The following KCNQ5 variants were observed in gnomAD, a reference collection of about 807,000 sequenced individuals.
The protein encoded by KCNQ5 is potassium voltage-gated channel subfamily KQT member 5.
KCNQ5 carries 30 observed loss-of-function variants against 98.2 expected under a neutral mutation model. That is an observed-to-expected ratio of 0.31 (90% CI 0.23 to 0.41). The LOEUF is 0.41. Ranked by LOEUF, KCNQ5 falls within the 10% of genes least tolerant of loss-of-function variation. The pLI is 1.00. For synonymous variants in KCNQ5, 458 were observed against 449.4 expected (o/e 1.02, Z -0.24); for missense variants, 835 against 1,182.5 (o/e 0.71, Z 4.31).
chr6:72,796,788 A>G (rs1449947155), intron 1 of KCNQ5, among the ~76,000 whole-genome samples: 1 of 152,224 alleles, frequency 6.6e-6, no homozygotes, highest in African/African-American at 2.4e-5. Context: ...TTAAGACAGT[A>G]ATATTAAATT....
At chr6:72,759,568 G>A (rs953038214) in intron 1 of KCNQ5, among the ~76,000 whole-genome samples, 5 of 152,080 alleles carry the variant, frequency 3.3e-5, no homozygotes, top group African/African-American at 9.7e-5. Flanking sequence ...ATGGAGGACT[G>A]TTTCCTTGTG....
chr6:73,186,237 AAG>A (rs1778567214), intron 11 of KCNQ5, among the ~76,000 whole-genome samples: 1 of 152,064 alleles, frequency 6.6e-6, no homozygotes, highest in South Asian at 2.1e-4. Context: ...AAAAAAAAAA[AAG>A]AGAAAAAGAA....
chr6:73,077,947 A>G lies in KCNQ5; in HGVS notation c.918+60A>G, dbSNP rs965148410. 19 of 1,359,016 alleles carry G rather than the reference A, an allele frequency of 1.4e-5. No homozygotes were observed. In the African/African-American group the frequency reaches 1.8e-4, roughly 13 times the overall value. 84.2% of individuals were successfully genotyped at this position (1,359,016 alleles called of 1,614,324 possible). A position where few individuals can be genotyped will look rare whatever the true frequency, so the allele number is the denominator to read the frequency against. ...GTTGTGAATTGTTTTTTTTTAATACAACGTAATGGTTCCTATGGATGGTTT... is the reference window on the plus strand; with the variant it reads ...GTTGTGAATTGTTTTTTTTTAATACGACGTAATGGTTCCTATGGATGGTTT... On this transcript the variant is annotated intron_variant, in intron 5 of 13. Transcript: ENST00000370398.
At chr6:72,625,743 C>T (rs2154471391) in intron 1 of KCNQ5, among the ~76,000 whole-genome samples, 1 of 152,294 alleles carries the variant, frequency 6.6e-6, no homozygotes, top group South Asian at 2.1e-4. Flanking sequence ...CTGAAGTCAT[C>T]CTTTTTCTCA....
At chr6:73,026,401 C>G (rs1467099554) in intron 2 of KCNQ5, among the ~76,000 whole-genome samples, 4 of 152,126 alleles carry the variant, frequency 2.6e-5, no homozygotes, top group Non-Finnish European at 2.9e-5. Context: ...ACCAACTGAT[C>G]CTTCTGTCTC....
chr6:72,714,861 A>G (rs538803258), intron 1 of KCNQ5, among the ~76,000 whole-genome samples: 59 of 152,270 alleles, frequency 3.9e-4, no homozygotes, highest in African/African-American at 1.3e-3. Flanking sequence ...AATCTGATGG[A>G]TTTTTCTCAT....
At chr6:72,937,492 T>C (rs1274404715) in intron 1 of KCNQ5, among the ~76,000 whole-genome samples, 2 of 152,240 alleles carry the variant, frequency 1.3e-5, no homozygotes, top group African/African-American at 2.4e-5. Context: ...AAAATAAATA[T>C]AATTTTGATC....
chr6:73,182,822 A>G (rs1778447710), intron 11 of KCNQ5, among the ~76,000 whole-genome samples: 1 of 152,192 alleles, frequency 6.6e-6, no homozygotes, highest in Non-Finnish European at 1.5e-5. Context: ...GCTGGAAAAT[A>G]TACCCTGTAA....
At chr6:72,966,082 A>G (rs1767596856) in intron 1 of KCNQ5, among the ~76,000 whole-genome samples, 2 of 152,198 alleles carry the variant, frequency 1.3e-5, no homozygotes, top group Admixed American at 1.3e-4. Flanking sequence ...CCTGAAGCCA[A>G]ATACAGAAGA....
chr6:73,130,888 G>A (rs1319040908), intron 9 of KCNQ5, among the ~76,000 whole-genome samples: 2 of 152,190 alleles, frequency 1.3e-5, no homozygotes, highest in Admixed American at 1.3e-4. Context: ...AAAAGAGAAA[G>A]TGAAAACATT....
At chr6:73,182,990 T>A (rs953841632) in intron 11 of KCNQ5, among the ~76,000 whole-genome samples, 1 of 152,156 alleles carries the variant, frequency 6.6e-6, no homozygotes, top group South Asian at 2.1e-4. Flanking sequence ...AGAAGGGACC[T>A]TATGAGAGAA....
chr6:72,986,763 G>C (rs573343452), intron 1 of KCNQ5: 1 of 1,484,402 alleles, frequency 6.7e-7, no homozygotes, highest in South Asian at 1.1e-5. Flanking sequence ...CCAGACCCCA[G>C]ACAGGGTGAA....
intron 1 of KCNQ5, among the ~76,000 whole-genome samples, chr6:72,933,104 A>G (rs1466881682): frequency 6.6e-6 from 1 of 152,208 alleles, no homozygotes; most frequent in Non-Finnish European, 1.5e-5. Flanking sequence ...GGACAGGAGA[A>G]AAATCTGAAT....
chr6:73,105,556 C>A (rs1023418800), intron 6 of KCNQ5, among the ~76,000 whole-genome samples, 189 bp downstream of exon 6: 1 of 152,202 alleles, frequency 6.6e-6, no homozygotes, highest in African/African-American at 2.4e-5. Context: ...CCCTTGGAGA[C>A]ACTTAATCTG....
intron 6 of KCNQ5, among the ~76,000 whole-genome samples, chr6:73,107,517 T>A (rs1775052868): frequency 1.3e-5 from 2 of 152,040 alleles, no homozygotes; most frequent in Non-Finnish European, 2.9e-5. Context: ...AAAATAAAAT[T>A]AAATTAAAAG....
At chr6:73,155,668 A>G (rs1017342319) in intron 10 of KCNQ5, among the ~76,000 whole-genome samples, 6 of 152,220 alleles carry the variant, frequency 3.9e-5, no homozygotes, top group Admixed American at 1.3e-4. Flanking sequence ...ATTGATGTAC[A>G]GGAAGAGATT....
chr6:72,833,424 T>C (rs1023558082), intron 1 of KCNQ5, among the ~76,000 whole-genome samples: 4 of 152,216 alleles, frequency 2.6e-5, no homozygotes, highest in Non-Finnish European at 5.9e-5. Flanking sequence ...TTTTATCATA[T>C]TGTATACTTT....
intron 6 of KCNQ5, among the ~76,000 whole-genome samples, chr6:73,110,405 CA>C (rs1294992734): frequency 6.6e-6 from 1 of 152,034 alleles, no homozygotes; most frequent in African/African-American, 2.4e-5. Flanking sequence ...TAGACCAGAG[CA>C]AATTGAAAAG....
chr6:73,154,461 C>T (rs1777274027), intron 10 of KCNQ5, among the ~76,000 whole-genome samples: 1 of 152,070 alleles, frequency 6.6e-6, no homozygotes, highest in African/African-American at 2.4e-5. Context: ...ATTTAGATTT[C>T]CATTAGTGTT....
Sources: allele counts gnomAD v4.1 joint callset (sites outside exome capture counted in the v4.1 genomes callset), GRCh38; gene constraint gnomAD v4.1.1; transcripts MANE v1.5; gene names NCBI Gene and HGNC (gene_info 2026-07-23, HGNC 2026-07-21).